Variants in WDR88 observed in about 807,000 individuals in gnomAD.
WDR88 encodes WD repeat-containing protein 88.
WDR88 carries 40 observed loss-of-function variants against 46.8 expected under a neutral mutation model. The ratio of observed to expected loss-of-function variants is 0.86; its 90% CI spans 0.66 to 1.11. The LOEUF is 1.11. Among genes scored for constraint, WDR88 ranks in the 50% most tolerant of loss-of-function variants. The pLI, the probability that WDR88 is intolerant of heterozygous loss-of-function variation, is 0.00. For synonymous variants in WDR88, 235 were observed against 240.7 expected (o/e 0.98, Z 0.22); for missense variants, 562 against 602.4 (o/e 0.93, Z 0.70).
At chr19:33,144,614 G>T (rs1252513638) in intron 2 of WDR88, among the ~76,000 whole-genome samples, 4 of 152,188 alleles carry the variant, frequency 2.6e-5, no homozygotes, top group Admixed American at 2.0e-4. Flanking sequence ...CTGGAATTGC[G>T]GGGTAATTTC....
chr19:33,136,047 A>G (rs1599877501), intron 1 of WDR88, among the ~76,000 whole-genome samples: 1 of 139,044 alleles, frequency 7.2e-6, no homozygotes, highest in East Asian at 2.1e-4. Context: ...CCAACACCAC[A>G]CTCGGCTAAT....
rs1908236786 is a variant in WDR88 at position 33,175,435 on chromosome 19, G to A, written c.1282G>A (p.Asp428Asn). 8 of 1,614,144 alleles carry A rather than the reference G, an allele frequency of 5.0e-6. No homozygotes were observed. The highest frequency in any genetic ancestry group is 5.1e-6 in the Non-Finnish European group (6 of 1,180,018). ...CDRPFSIFKS[D>N]TSSEMFTQCV... ...CAGGCCTTTCTCCATCTTCAAGAGT[G>A]ACACCTCTTCTGAAATGTTCACCCA... is the stretch of plus-strand genomic sequence containing the variant. The change falls in exon 11 of 11, where the codon GAC (aspartate) becomes AAC (asparagine). Residue 428 changes from aspartate to asparagine, a missense_variant. Physicochemically the swap from Asp to Asn is conservative, Grantham distance 23. Coordinates refer to ENST00000355868, the MANE Select transcript of WDR88 (RefSeq NM_173479.4).
intron 10 of WDR88, chr19:33,174,158 T>C (rs1432123365): frequency 1.3e-6 from 2 of 1,536,000 alleles, no homozygotes; most frequent in Admixed American, 3.9e-5. Flanking sequence ...CAAACTGGGA[T>C]CTAATCTATT....
At chr19:33,168,922 G>A (rs1311096422) in intron 9 of WDR88, among the ~76,000 whole-genome samples, 1 of 152,082 alleles carries the variant, frequency 6.6e-6, no homozygotes, top group East Asian at 1.9e-4. Context: ...CAGACATATA[G>A]ACAAATGGCT....
Position 33,157,663 on chromosome 19 carries a change from ATG to A in WDR88, c.997+1123_997+1124del, listed in dbSNP as rs3033603. 1.1e-3 allele frequency among the ~76,000 whole-genome samples: 93 copies of A among 85,596 alleles called. 3 individuals are homozygous for A. Among genetic ancestry groups the A allele is most frequent in the African/African-American group, 6.1e-3 (79 of 12,904 alleles). 56.2% of individuals were successfully genotyped at this position (85,596 alleles called of 152,430 possible). The stretch of plus-strand genomic sequence containing the variant: ...TATGTGTGTGTGTATGTATATATGT[ATG>A]TATGTGTGTGTGTGTATGTATGTAT... On this transcript the variant is annotated intron_variant, in intron 7 of 10. Coordinates refer to ENST00000355868, the MANE Select transcript of WDR88 (RefSeq NM_173479.4).
At position 33,175,382 on chromosome 19, in the gene WDR88, A is replaced by T; in HGVS notation, c.1243-14A>T. 1 of 1,613,298 alleles carries T rather than the reference A, an allele frequency of 6.2e-7. No homozygotes were observed. Among genetic ancestry groups the T allele is most frequent in the South Asian group, 1.1e-5 (1 of 91,016 alleles). ...AGCACCTCCTTTCTGCTCTTTTAAAATATCCCATGTCAGTGCGAAAGATGT... is the reference window on the plus strand; with the variant it reads ...AGCACCTCCTTTCTGCTCTTTTAAATTATCCCATGTCAGTGCGAAAGATGT... On this transcript the variant is annotated splice_polypyrimidine_tract_variant and intron_variant, in intron 10 of 10. Coordinates refer to ENST00000355868, the MANE Select transcript of WDR88 (RefSeq NM_173479.4).
At chr19:33,155,446 A>G (rs917938708) in intron 6 of WDR88, among the ~76,000 whole-genome samples, 2 of 152,074 alleles carry the variant, frequency 1.3e-5, no homozygotes, top group Non-Finnish European at 2.9e-5. Context: ...CAGCCAAATA[A>G]CCCACAATTT....
chr19:33,144,137 C>T (rs11666137), intron 2 of WDR88, among the ~76,000 whole-genome samples: 13,570 of 152,196 alleles, frequency 0.089, 663 homozygotes, highest in East Asian at 0.16. Flanking sequence ...CTGGCGCTGC[C>T]CTCAGTTGGC....
At chr19:33,144,195 G>A (rs1277745682) in intron 2 of WDR88, among the ~76,000 whole-genome samples, 1 of 152,102 alleles carries the variant, frequency 6.6e-6, no homozygotes, top group Non-Finnish European at 1.5e-5. Flanking sequence ...CACAACCCAA[G>A]ACGATCATTT....
At chr19:33,165,352 A>G (rs769667924) in intron 9 of WDR88, among the ~76,000 whole-genome samples, 7 of 152,110 alleles carry the variant, frequency 4.6e-5, no homozygotes, top group Non-Finnish European at 8.8e-5. Flanking sequence ...GAATACAAAC[A>G]TATCAGAAAA....
intron 10 of WDR88, chr19:33,174,039 A>G: frequency 1.3e-6 from 1 of 764,494 alleles, no homozygotes; most frequent in Admixed American, 2.5e-5. Context: ...TTTATTAGAG[A>G]CGGGGTTTCA....
At chr19:33,136,392 T>C (rs1318491841) in intron 1 of WDR88, among the ~76,000 whole-genome samples, 1 of 151,862 alleles carries the variant, frequency 6.6e-6, no homozygotes, top group Admixed American at 6.6e-5. Context: ...GGTTTTGCCA[T>C]GTTGGCCAGG....
intron 9 of WDR88, among the ~76,000 whole-genome samples, chr19:33,165,248 G>A (rs557109535): frequency 3.2e-4 from 49 of 152,166 alleles, no homozygotes; most frequent in African/African-American, 1.1e-3. Flanking sequence ...CCCTTTATTT[G>A]AGCATGTCAT....
rs755204261 is a variant in WDR88 at position 33,137,808 on chromosome 19, T to A, written c.387+21T>A. On this transcript the variant is annotated intron_variant, in intron 2 of 10. Transcript: ENST00000355868. ...TGTGGGTAGGTGGCCGGCTGTTAGG[T>A]ACTCCTGGAGCGAAAACCTTTCCTA... is the stretch of plus-strand genomic sequence containing the variant. The A allele has an allele frequency of 4.4e-6, 7 of 1,605,994 alleles. No individual in the cohort carries two copies. The South Asian group carries it at 7.7e-5, about 18-fold the overall frequency.
chr19:33,134,840 A>ACCCCCCCCCCCCCCC (rs766617576), intron 1 of WDR88, among the ~76,000 whole-genome samples: 160 of 62,416 alleles, frequency 2.6e-3, no homozygotes, highest in Admixed American at 3.7e-3. Context: ...CGTCCCCGAC[A>ACCCCCCCCCCCCCCC]CCCCCCCCCC....
At chr19:33,147,576 TG>T (rs2145382874) in intron 3 of WDR88, 68 bp from the exon 4 acceptor site, 2 of 1,516,502 alleles carry the variant, frequency 1.3e-6, no homozygotes, top group South Asian at 2.3e-5. Flanking sequence ...GCACTCCAGC[TG>T]GGGCAACAGA....
At chr19:33,148,115 C>T (rs13345755) in intron 4 of WDR88, among the ~76,000 whole-genome samples, 85,051 of 151,764 alleles carry the variant, frequency 0.56, 27,785 homozygotes, top group African/African-American at 0.89. Flanking sequence ...GGCCATGTGC[C>T]CCCAAGAACC....
chr19:33,160,488 T>A lies in WDR88; in HGVS notation c.1072T>A (p.Ser358Thr), dbSNP rs779756076. The A allele has an allele frequency of 6.2e-7, 1 of 1,614,200 alleles. No individual in the cohort carries two copies. The change falls in exon 8 of 11, where the codon TCT becomes ACT. Residue 358 changes from serine to threonine, a missense_variant. Transcript: ENST00000355868. ...WDVAEGYRKL[S>T]LKGHNDWVMD... is the part of the protein sequence containing the mutation. Reference sequence around the variant, plus strand: ...TGTAGCAGAAGGCTACCGGAAGCTCTCTTTGAAGGTACATGTGGCCAGCAT... The same window carrying A: ...TGTAGCAGAAGGCTACCGGAAGCTCACTTTGAAGGTACATGTGGCCAGCAT...
In WDR88 at chr19:33,173,266, G is replaced by A. The variant is rs114266988; in HGVS notation, c.1242+826G>A. Reference sequence around the variant, plus strand: ...AGCACTGGTCAGTGGAGGAATGGCCGGGTACACAGCTGGGCACTGCGTCAG... The same window carrying A: ...AGCACTGGTCAGTGGAGGAATGGCCAGGTACACAGCTGGGCACTGCGTCAG... On this transcript the variant is annotated intron_variant, in intron 10 of 10. Coordinates refer to ENST00000355868, the MANE Select transcript of WDR88 (RefSeq NM_173479.4). Among the ~76,000 whole-genome samples, 482 of 152,208 alleles carry A rather than the reference G, an allele frequency of 3.2e-3. 3 individuals are homozygous for A. The highest frequency in any genetic ancestry group is 0.011 in the African/African-American group (455 of 41,546).
Sources: gnomAD v4.1 joint callset for allele counts (sites outside exome capture counted in the v4.1 genomes callset) on GRCh38, gnomAD v4.1.1 for gene constraint, MANE v1.5 for transcripts, NCBI Gene and HGNC (gene_info 2026-07-23, HGNC 2026-07-21) for gene names.